LYRM4: variants seen among roughly 807,000 people sequenced by gnomAD.
LYRM4 encodes the protein LYR motif-containing protein 4.
A neutral mutation model predicts 11.7 loss-of-function variants in LYRM4; 9 were observed. The observed-to-expected ratio is 0.77, with a 90% CI of 0.46 to 1.34. The LOEUF is 1.34. Ranked by LOEUF, LYRM4 falls within the 40% of genes most tolerant of loss-of-function variation. The pLI is 0.00. For missense variants in LYRM4, 133 were observed against 112.5 expected (o/e 1.18, Z -0.82); for synonymous variants, 42 against 40.4 (o/e 1.04, Z -0.15).
At chr6:5,164,932 C>T (rs78927533) in intron 2 of LYRM4, among the ~76,000 whole-genome samples, 1,525 of 134,054 alleles carry the variant, frequency 0.011, 22 homozygotes, top group South Asian at 0.048. Flanking sequence ...TGTGCCACCA[C>T]ACTCTAGCCT....
At chr6:5,149,208 G>A (rs1757950892) in intron 2 of LYRM4, among the ~76,000 whole-genome samples, 1 of 152,208 alleles carries the variant, frequency 6.6e-6, no homozygotes. Flanking sequence ...AGGCACTAAT[G>A]TGGTGATAAC....
intron 2 of LYRM4, among the ~76,000 whole-genome samples, chr6:5,175,425 T>C (rs1456281950): frequency 6.6e-6 from 1 of 152,180 alleles, no homozygotes; most frequent in African/African-American, 2.4e-5. Context: ...TTCACTTTCC[T>C]GCTCGACCTG....
At chr6:5,161,526 A>G (rs2127654614) in intron 2 of LYRM4, among the ~76,000 whole-genome samples, 1 of 152,356 alleles carries the variant, frequency 6.6e-6, no homozygotes, top group Middle Eastern at 3.4e-3. Flanking sequence ...ATTAAAATAT[A>G]CCTATTATTT....
chr6:5,189,975 C>T (rs1022814439), intron 2 of LYRM4, among the ~76,000 whole-genome samples: 2 of 152,190 alleles, frequency 1.3e-5, no homozygotes, highest in East Asian at 3.9e-4. Flanking sequence ...AAGAATTTAT[C>T]TAATTTTCCC....
intron 2 of LYRM4, among the ~76,000 whole-genome samples, chr6:5,198,253 C>CG (rs1761184964): frequency 2.6e-5 from 4 of 152,060 alleles, no homozygotes; most frequent in Non-Finnish European, 4.4e-5. Flanking sequence ...TTGGACATCA[C>CG]GGCTTTCAAG....
chr6:5,048,784 A>G, the LYRM4 span, among the ~76,000 whole-genome samples: 3 of 152,212 alleles, frequency 2.0e-5, no homozygotes, highest in African/African-American at 7.2e-5. Context: ...AGTAGTATGT[A>G]CCTAAAGTGA....
At chr6:5,092,737 TTA>T in the LYRM4 span, among the ~76,000 whole-genome samples, 1 of 151,556 alleles carries the variant, frequency 6.6e-6, no homozygotes, top group East Asian at 1.9e-4. Flanking sequence ...TTCAGTCAGT[TTA>T]TGTTCAGAAC....
In LYRM4 at chr6:5,234,192, T is replaced by C. The variant is rs189070583; in HGVS notation, c.87-17454A>G. On this transcript the variant is annotated intron_variant, in intron 1 of 2. Transcript: ENST00000330636. ...GACTAAATTTAGAACTGCTTTACAT[T>C]TGAAGCATTAGTTTTGGGGAAAATT... Among the ~76,000 whole-genome samples the C allele has an allele frequency of 2.2e-3, 341 of 152,372 alleles. 5 individuals are homozygous for C. The highest frequency in any genetic ancestry group is 0.021 in the Admixed American group (321 of 15,308).
intron 2 of LYRM4, among the ~76,000 whole-genome samples, chr6:5,149,697 T>C (rs1217847648): frequency 2.6e-5 from 4 of 152,184 alleles, no homozygotes; most frequent in African/African-American, 2.4e-5. Flanking sequence ...AAAGTTCTCA[T>C]TGGAATAATA....
intron 1 of LYRM4, among the ~76,000 whole-genome samples, chr6:5,232,190 A>G (rs1763282210): frequency 6.6e-6 from 1 of 152,254 alleles, no homozygotes; most frequent in Non-Finnish European, 1.5e-5. Context: ...CTGCCACAGG[A>G]TTGGCAAAAG....
At chr6:5,214,042 C>T (rs912643142) in intron 2 of LYRM4, among the ~76,000 whole-genome samples, 5 of 152,192 alleles carry the variant, frequency 3.3e-5, no homozygotes, top group South Asian at 2.1e-4. Flanking sequence ...GCCGGCTGGC[C>T]GCAGAGTCCA....
chr6:5,081,096 G>T, the LYRM4 span, among the ~76,000 whole-genome samples: 2 of 148,124 alleles, frequency 1.4e-5, no homozygotes, highest in African/African-American at 5.1e-5. Flanking sequence ...TAGCAGTGGA[G>T]GCACATGATG....
intron 2 of LYRM4, among the ~76,000 whole-genome samples, chr6:5,177,776 T>C (rs1759806624): frequency 6.6e-6 from 1 of 152,212 alleles, no homozygotes; most frequent in Admixed American, 6.5e-5. Context: ...CACATAGCAG[T>C]GTCTGTTTCA....
the LYRM4 span, chr6:5,066,340 G>A: frequency 4.1e-6 from 3 of 723,880 alleles, no homozygotes; most frequent in African/African-American, 3.5e-5. Flanking sequence ...ATATCTAGAA[G>A]TACAGGAATA....
intron 2 of LYRM4, among the ~76,000 whole-genome samples, chr6:5,114,252 C>CT (rs759498229): frequency 2.6e-4 from 40 of 152,222 alleles, no homozygotes; most frequent in Non-Finnish European, 4.7e-4. Context: ...CACGCTAAGA[C>CT]TGGGGGGCAG....
At chr6:5,158,922 G>A (rs1758579675) in intron 2 of LYRM4, among the ~76,000 whole-genome samples, 1 of 151,876 alleles carries the variant, frequency 6.6e-6, no homozygotes, top group Admixed American at 6.6e-5. Flanking sequence ...TATTTTAAAG[G>A]TTCATAATTG....
chr6:5,083,849 A>G, the LYRM4 span, among the ~76,000 whole-genome samples: 1 of 152,190 alleles, frequency 6.6e-6, no homozygotes, highest in African/African-American at 2.4e-5. Context: ...TGTTTCTAGA[A>G]TCCCCAACTT....
At chr6:5,143,950 C>G (rs1176413158) in intron 2 of LYRM4, among the ~76,000 whole-genome samples, 1 of 152,198 alleles carries the variant, frequency 6.6e-6, no homozygotes, top group African/African-American at 2.4e-5. Context: ...AAAACATTCA[C>G]AGTATATCTT....
At position 5,172,881 on chromosome 6, in the gene LYRM4, G is replaced by A. The variant is rs1014273506; in HGVS notation, c.207+43737C>T. On this transcript the variant is annotated intron_variant, in intron 2 of 2. Coordinates refer to ENST00000330636, the MANE Select transcript of LYRM4 (RefSeq NM_020408.6). Reference sequence around the variant, plus strand: ...ATTTCAGTGACCTATAGGGCTAGCAGCCAGTTACATTCTACTCTTTCACAT... The same window carrying A: ...ATTTCAGTGACCTATAGGGCTAGCAACCAGTTACATTCTACTCTTTCACAT... Among the ~76,000 whole-genome samples the A allele has an allele frequency of 3.3e-5, 5 of 152,242 alleles. No individual in the cohort carries two copies. The East Asian group carries it at 9.6e-4, about 29-fold the overall frequency.
Sources: allele counts gnomAD v4.1 joint callset (sites outside exome capture counted in the v4.1 genomes callset), GRCh38; gene constraint gnomAD v4.1.1; transcripts MANE v1.5; gene names NCBI Gene and HGNC (gene_info 2026-07-23, HGNC 2026-07-21).